The following PBX1 variants were observed in gnomAD, a reference collection of about 807,000 sequenced individuals.
The protein encoded by PBX1 is pre-B-cell leukemia transcription factor 1.
A neutral mutation model predicts 53.4 loss-of-function variants in PBX1; 6 were observed. The observed-to-expected ratio is 0.11, with a 90% CI of 0.06 to 0.22. The LOEUF is 0.22. PBX1 is among the 10% of genes least tolerant of loss of function. The probability of loss-of-function intolerance (pLI) is 1.00; values close to 1 mark genes in which losing one functional copy is unlikely to be tolerated. For synonymous variants in PBX1, 204 were observed against 212.3 expected (o/e 0.96, Z 0.34); for missense variants, 251 against 551.4 (o/e 0.46, Z 5.46).
intron 2 of PBX1, among the ~76,000 whole-genome samples, chr1:164,571,919 T>C (rs1226155828): frequency 2.1e-5 from 1 of 47,414 alleles, no homozygotes; most frequent in Admixed American, 2.9e-4. Flanking sequence ...ATATATATGC[T>C]TTTTTTTTTT....
intron 2 of PBX1, among the ~76,000 whole-genome samples, chr1:164,881,641 A>C (rs1672662610): frequency 1.4e-5 from 1 of 69,616 alleles, no homozygotes; most frequent in South Asian, 5.4e-4. Context: ...AAAGGGGAGG[A>C]AAAGTGGGGA....
chr1:164,860,755 G>A (rs1360471105), intron 2 of PBX1, among the ~76,000 whole-genome samples: 5 of 152,102 alleles, frequency 3.3e-5, no homozygotes, highest in Non-Finnish European at 7.4e-5. Context: ...ACCTTTCAAT[G>A]TCTTGGCTCC....
chr1:164,627,714 C>T (rs865962018), intron 2 of PBX1, among the ~76,000 whole-genome samples: 1 of 152,180 alleles, frequency 6.6e-6, no homozygotes, highest in Non-Finnish European at 1.5e-5. Flanking sequence ...AAGCATTTCT[C>T]TCTTTAAAAG....
chr1:164,696,085 C>T (rs1486326180), intron 2 of PBX1, among the ~76,000 whole-genome samples: 2 of 151,954 alleles, frequency 1.3e-5, no homozygotes, highest in Admixed American at 6.6e-5. Flanking sequence ...GAGACCCAGT[C>T]GTTATTTGAG....
intron 2 of PBX1, among the ~76,000 whole-genome samples, chr1:164,719,436 G>T (rs1261798177): frequency 6.6e-6 from 1 of 152,194 alleles, no homozygotes. Context: ...CTTGTCCTGA[G>T]TAAAAGCTTT....
At chr1:164,563,403 T>C (rs919460723) in intron 2 of PBX1, 92 bp downstream of exon 2, 2 of 784,560 alleles carry the variant, frequency 2.5e-6, no homozygotes, top group Non-Finnish European at 4.2e-6. Context: ...ATATTAAAAT[T>C]TCAGAATACA....
chr1:164,639,332 T>C (rs1658976146), intron 2 of PBX1, among the ~76,000 whole-genome samples: 1 of 152,242 alleles, frequency 6.6e-6, no homozygotes, highest in Non-Finnish European at 1.5e-5. Context: ...GCCTCCTAAA[T>C]GAAGAGCCTT....
chr1:164,725,461 T>G lies in PBX1; in HGVS notation c.266-67033T>G, dbSNP rs9803947. On this transcript the variant is annotated intron_variant, in intron 2 of 8. Coordinates refer to ENST00000420696, the MANE Select transcript of PBX1 (RefSeq NM_002585.4). ...GTGTAACCATGTTCTGCACATCAGCTCTCTTTGCTCCTCTCTTGATCTGCG... is the reference window on the plus strand; with the variant it reads ...GTGTAACCATGTTCTGCACATCAGCGCTCTTTGCTCCTCTCTTGATCTGCG... Among the ~76,000 whole-genome samples the G allele has an allele frequency of 6.3e-3, 961 of 152,124 alleles. 13 individuals carry two copies. The highest frequency in any genetic ancestry group is 0.022 in the African/African-American group (912 of 41,510).
intron 2 of PBX1, among the ~76,000 whole-genome samples, chr1:164,595,809 G>A (rs1042306829): frequency 4.6e-5 from 7 of 152,118 alleles, no homozygotes; most frequent in African/African-American, 1.7e-4. Context: ...TTTGCAAATG[G>A]GCTCATAAGA....
At chr1:164,865,190 G>A (rs149507989) in intron 2 of PBX1, among the ~76,000 whole-genome samples, 94 of 152,344 alleles carry the variant, frequency 6.2e-4, no homozygotes, top group African/African-American at 1.8e-3. Context: ...GAGATGAGGG[G>A]ACTAAGGAGT....
chr1:164,804,869 A>T (rs1315642926), intron 4 of PBX1, among the ~76,000 whole-genome samples: 1 of 152,252 alleles, frequency 6.6e-6, no homozygotes, highest in African/African-American at 2.4e-5. Flanking sequence ...ATGTCACCAA[A>T]TAATAAGACT....
chr1:164,574,475 C>T (rs945259491), intron 2 of PBX1, among the ~76,000 whole-genome samples: 2 of 152,180 alleles, frequency 1.3e-5, no homozygotes, highest in Admixed American at 6.5e-5. Flanking sequence ...ATGATCCCTG[C>T]CAAAGCTTAG....
intron 2 of PBX1, among the ~76,000 whole-genome samples, chr1:164,784,137 C>G (rs551899409): frequency 3.3e-4 from 50 of 152,306 alleles, no homozygotes; most frequent in Non-Finnish European, 5.6e-4. Flanking sequence ...TGGTCCTGGT[C>G]CTGGCCTTCT....
intron 2 of PBX1, among the ~76,000 whole-genome samples, chr1:164,694,049 T>C (rs1025350313): frequency 6.7e-6 from 1 of 149,196 alleles, no homozygotes; most frequent in Non-Finnish European, 1.5e-5. Context: ...AGACTAGTGA[T>C]TCTAAGATTT....
chr1:164,742,027 C>G (rs1665642495), intron 2 of PBX1, among the ~76,000 whole-genome samples: 2 of 151,570 alleles, frequency 1.3e-5, no homozygotes, highest in East Asian at 3.9e-4. Flanking sequence ...GAGAGCCAAA[C>G]AAAAAATACC....
At position 164,848,302 on chromosome 1, in the gene PBX1, T is replaced by TATCA. The variant is rs1042542482; in HGVS notation, c.*1627_*1630dup. ...CTACCAGTTATAAAGATGGCAGCTCTATCACTTGATTAAGTGGGAGGTGGT... is the reference window on the plus strand; with the variant it reads ...CTACCAGTTATAAAGATGGCAGCTCTATCAATCACTTGATTAAGTGGGAGGTGGT... On this transcript the variant is annotated 3_prime_UTR_variant, in exon 9 of 9. Transcript: ENST00000420696. 5 of 1,056,928 alleles carry TATCA rather than the reference T, an allele frequency of 4.7e-6. No individual in the cohort carries two copies. In the African/African-American group the frequency reaches 8.2e-5, roughly 17 times the overall value. 65.5% of individuals were successfully genotyped at this position (1,056,928 alleles called of 1,614,324 possible). A position where few individuals can be genotyped will look rare whatever the true frequency, so the allele number is the denominator to read the frequency against.
intron 2 of PBX1, among the ~76,000 whole-genome samples, chr1:164,700,976 T>C (rs186301275): frequency 6.6e-6 from 1 of 152,340 alleles, no homozygotes; most frequent in Admixed American, 6.5e-5. Context: ...TTAGCAAGAC[T>C]AAACATAATC....
intron 2 of PBX1, among the ~76,000 whole-genome samples, chr1:164,857,851 A>G (rs1672011028): frequency 6.6e-6 from 1 of 152,196 alleles, no homozygotes; most frequent in Non-Finnish European, 1.5e-5. Flanking sequence ...TATCTACTTC[A>G]TAGAATTACA....
rs563640131 is a variant in PBX1 at position 164,717,849 on chromosome 1, C to T, written c.266-74645C>T. ...TGCTCCCTGTCCAGGACTTGTTCTT[C>T]ACTAAGAAGTAGTACCTAGCATAAC... On this transcript the variant is annotated intron_variant, in intron 2 of 8. Transcript: ENST00000420696. 2.6e-5 allele frequency among the ~76,000 whole-genome samples: 4 copies of T among 152,286 alleles called. No individual in the cohort carries two copies. The South Asian group carries it at 8.3e-4, about 32-fold the overall frequency.
Sources: allele counts gnomAD v4.1 joint callset (sites outside exome capture counted in the v4.1 genomes callset), GRCh38; gene constraint gnomAD v4.1.1; transcripts MANE v1.5; gene names NCBI Gene and HGNC (gene_info 2026-07-23, HGNC 2026-07-21).